CLUAP1: variants seen among roughly 807,000 people sequenced by gnomAD.
The protein encoded by CLUAP1 is clusterin-associated protein 1.
A neutral mutation model predicts 55.0 loss-of-function variants in CLUAP1; 50 were observed. That is an observed-to-expected ratio of 0.91 (90% CI 0.72 to 1.15). CLUAP1 has a LOEUF of 1.15. CLUAP1 is among the 50% of genes most tolerant of loss of function. CLUAP1 has a pLI of 0.00. For missense variants in CLUAP1, 530 were observed against 507.6 expected (o/e 1.04, Z -0.42); for synonymous variants, 195 against 175.4 (o/e 1.11, Z -0.88).
intron 1 of CLUAP1, among the ~76,000 whole-genome samples, chr16:3,503,398 T>C (rs931593723): frequency 1.3e-5 from 2 of 152,124 alleles, no homozygotes; most frequent in Admixed American, 6.5e-5. Flanking sequence ...CTCCTGACCT[T>C]GTGATCCACT....
intron 8 of CLUAP1, among the ~76,000 whole-genome samples, chr16:3,524,380 C>T (rs2037898492): frequency 6.6e-6 from 1 of 150,928 alleles, no homozygotes; most frequent in African/African-American, 2.4e-5. Context: ...AGCTGGTGGA[C>T]CACGAGGTCA....
intron 9 of CLUAP1, among the ~76,000 whole-genome samples, chr16:3,528,499 C>T (rs2037991981): frequency 6.6e-6 from 1 of 152,146 alleles, no homozygotes; most frequent in Non-Finnish European, 1.5e-5. Context: ...CAGCCCTCCC[C>T]TTTTTAGTTC....
At chr16:3,508,191 T>C (rs901105681) in intron 3 of CLUAP1, 98 bp from the exon 4 acceptor site, 1 of 1,013,706 alleles carries the variant, frequency 9.9e-7, no homozygotes, top group Non-Finnish European at 1.5e-6. Flanking sequence ...TATATCCCAG[T>C]TGTCAGCAGA....
chr16:3,532,824 G>A lies in CLUAP1; in HGVS notation c.1075G>A (p.Gly359Arg). The A allele has an allele frequency of 6.2e-7, 1 of 1,614,142 alleles. No homozygotes were observed. The highest frequency in any genetic ancestry group is 8.5e-7 in the Non-Finnish European group (1 of 1,180,016). Reference protein sequence around the residue: ...GKRIVGTMQGGDSDDNEDSEE... With the variant: ...GKRIVGTMQGRDSDDNEDSEE... Reference sequence around the variant, plus strand: ...ACGCATTGTGGGCACGATGCAAGGTGGAGACTCCGATGACAATGTAAGTCC... The same window carrying A: ...ACGCATTGTGGGCACGATGCAAGGTAGAGACTCCGATGACAATGTAAGTCC... The change falls in exon 11 of 12, where the codon GGA (glycine) becomes AGA (arginine). Residue 359 changes from glycine to arginine, a missense_variant. By Grantham distance (125) the Gly-to-Arg change is moderately radical. Transcript: ENST00000576634.
intron 1 of CLUAP1, among the ~76,000 whole-genome samples, chr16:3,503,478 G>A (rs1324164412): frequency 2.6e-5 from 4 of 152,062 alleles, no homozygotes; most frequent in Admixed American, 2.0e-4. Context: ...TGTATTTTTA[G>A]TAGAGGTGGG....
intron 11 of CLUAP1, 200 bp downstream of exon 11, chr16:3,533,041 TG>T (rs1312336660): frequency 6.8e-7 from 1 of 1,473,464 alleles, no homozygotes; most frequent in African/African-American, 1.4e-5. Context: ...TTCAAGTGAA[TG>T]TGCTTGCTCT....
chr16:3,506,536 T>C, intron 3 of CLUAP1, 121 bp downstream of exon 3: 8 of 742,656 alleles, frequency 1.1e-5, no homozygotes, highest in South Asian at 1.6e-5. Context: ...TGAGATGGAG[T>C]CTCATTCTCT....
At position 3,523,228 on chromosome 16, in the gene CLUAP1, A is replaced by T; in HGVS notation, c.784A>T (p.Lys262Ter). Residue 262 changes from lysine (K) to a stop codon, truncating the protein, a stop_gained, in exon 8 of 12, where the codon AAA becomes TAA. Coordinates refer to ENST00000576634, the MANE Select transcript of CLUAP1 (RefSeq NM_015041.3). LOFTEE classifies it high-confidence loss of function. Reference protein sequence around the residue: ...LQKQYDTYLEKFQNLTYLEQQ... With the variant: ...LQKQYDTYLE ...AAAGCAGTATGACACTTATCTGGAG[A>T]AATTTCAAAATCTGACTTATCTGGA... 6.2e-7 allele frequency: 1 copy of T among 1,614,046 alleles called. No homozygotes were observed. The highest frequency in any genetic ancestry group is 2.2e-5 in the East Asian group (1 of 44,860).
chr16:3,525,323 C>T (rs1055093368), intron 8 of CLUAP1, among the ~76,000 whole-genome samples: 1 of 152,284 alleles, frequency 6.6e-6, no homozygotes, highest in East Asian at 1.9e-4. Context: ...AACAGTATGC[C>T]TCAGAGTGGC....
chr16:3,501,312 A>G (rs1247501797), intron 1 of CLUAP1, among the ~76,000 whole-genome samples: 2 of 152,238 alleles, frequency 1.3e-5, no homozygotes, highest in African/African-American at 4.8e-5. Flanking sequence ...TCTATCTGCC[A>G]CTGGCCGCGT....
chr16:3,508,456 T>C lies in CLUAP1; in HGVS notation c.387T>C (p.Asp129=), dbSNP rs1340110235. 1 of 1,575,026 alleles carries C rather than the reference T, an allele frequency of 6.3e-7. No individual in the cohort carries two copies. Among genetic ancestry groups the C allele is most frequent in the Non-Finnish European group, 8.6e-7 (1 of 1,169,252 alleles). ...AAGATGTCAACAAGTTCAAGTTTGA[T>C]CTTGGCTCAAAGGTAAGGACAACAA... is the stretch of plus-strand genomic sequence containing the variant. The part of the protein sequence containing the change: ...VEEDVNKFKF[D]LGSKIADLKA... Residue 129 remains aspartate (D), a synonymous_variant, in exon 4 of 12, where the codon GAT becomes GAC. Transcript: ENST00000576634.
upstream of CLUAP1, among the ~76,000 whole-genome samples, chr16:3,497,050 T>C (rs560322230): frequency 6.9e-4 from 105 of 152,042 alleles, 1 homozygote; most frequent in Admixed American, 6.8e-3. Context: ...TTTGTATTTT[T>C]AGTAGAGACA....
chr16:3,512,677 T>C (rs1189271937), intron 5 of CLUAP1, among the ~76,000 whole-genome samples, 199 bp downstream of exon 5: 2 of 151,982 alleles, frequency 1.3e-5, no homozygotes, highest in Non-Finnish European at 2.9e-5. Flanking sequence ...ATTTATTTAT[T>C]TATTTTTATT....
At chr16:3,530,207 G>C (rs913877424) in intron 9 of CLUAP1, among the ~76,000 whole-genome samples, 2 of 151,726 alleles carry the variant, frequency 1.3e-5, no homozygotes, top group Non-Finnish European at 2.9e-5. Flanking sequence ...ACACCTCCCA[G>C]TATGCCCCAC....
At chr16:3,529,757 A>ATT (rs2038063461) in intron 9 of CLUAP1, among the ~76,000 whole-genome samples, 9 of 29,320 alleles carry the variant, frequency 3.1e-4, no homozygotes, top group African/African-American at 1.6e-3. Flanking sequence ...TATATTATAT[A>ATT]ATATATATTA....
intron 7 of CLUAP1, among the ~76,000 whole-genome samples, chr16:3,521,655 G>A (rs1240659238): frequency 1.3e-5 from 2 of 151,880 alleles, no homozygotes; most frequent in Non-Finnish European, 2.9e-5. Flanking sequence ...GGCTGGTCTT[G>A]AACTCCTGAC....
rs1382644839 is a variant in CLUAP1, at chr16:3,530,583, A to C, written c.944A>C (p.Asp315Ala). The change falls in exon 10 of 12, where the codon GAC (aspartate) becomes GCC (alanine). Residue 315 changes from aspartate (D) to alanine (A), a missense_variant. Physicochemically the swap from Asp to Ala is moderately radical, Grantham distance 126 (BLOSUM62 -2). Coordinates refer to ENST00000576634, the MANE Select transcript of CLUAP1 (RefSeq NM_015041.3). The part of the protein sequence containing the change: ...LLKSGSNDDS[D>A]IDIQEDDESD... ...TTCCTGCTAGGTAACGATGACTCGGACATAGACATCCAGGAGGACGATGAA... is the reference window on the plus strand; with the variant it reads ...TTCCTGCTAGGTAACGATGACTCGGCCATAGACATCCAGGAGGACGATGAA... The C allele has an allele frequency of 1.2e-6, 2 of 1,613,904 alleles. No homozygotes were observed. The highest frequency in any genetic ancestry group is 4.5e-5 in the East Asian group (2 of 44,872).
At position 3,530,566 on chromosome 16, in the gene CLUAP1, A is replaced by G. The variant is rs1260618550; in HGVS notation, c.929-2A>G. 1 of 1,611,772 alleles carries G rather than the reference A, an allele frequency of 6.2e-7. No individual in the cohort carries two copies. The highest frequency in any genetic ancestry group is 8.5e-7 in the Non-Finnish European group (1 of 1,178,116). The stretch of plus-strand genomic sequence containing the variant: ...TGTTTTGCCTGCTTGTGTTCCTGCT[A>G]GGTAACGATGACTCGGACATAGACA... On this transcript the variant is annotated splice_acceptor_variant, in intron 9 of 11. Coordinates refer to ENST00000576634, the MANE Select transcript of CLUAP1 (RefSeq NM_015041.3). LOFTEE classifies it high-confidence loss of function.
chr16:3,504,673 T>C, intron 1 of CLUAP1, 47 bp from the exon 2 acceptor site: 1 of 1,020,118 alleles, frequency 9.8e-7, no homozygotes, highest in Non-Finnish European at 1.6e-6. Context: ...TAATAAGTAG[T>C]TGCTGTGTGA....
Sources: allele counts gnomAD v4.1 joint callset (sites outside exome capture counted in the v4.1 genomes callset), GRCh38; gene constraint gnomAD v4.1.1; transcripts MANE v1.5; gene names NCBI Gene and HGNC (gene_info 2026-07-23, HGNC 2026-07-21).